CACNA1B: variants seen among roughly 807,000 people sequenced by gnomAD.
CACNA1B encodes calcium voltage-gated channel subunit alpha1 B, also known as voltage-dependent N-type calcium channel subunit alpha-1B.
Under a neutral mutation model 247.2 loss-of-function variants are expected in CACNA1B, and 70 were observed. The ratio of observed to expected loss-of-function variants is 0.28; its 90% confidence interval spans 0.23 to 0.35. CACNA1B has a LOEUF of 0.35. CACNA1B is among the 10% of genes least tolerant of loss of function. The pLI is 1.00. For synonymous variants in CACNA1B, 1,231 were observed against 1,294.4 expected, an observed-to-expected ratio of 0.95 and a Z score of 1.05; for missense variants, 2,367 against 3,197.4, an observed-to-expected ratio of 0.74 and a Z score of 6.26.
At chr9:138,081,991 A>T (rs1960536401) in intron 36 of CACNA1B, among the ~76,000 whole-genome samples, 2 of 151,142 alleles carry the variant, frequency 1.3e-5, no homozygotes, top group African/African-American at 4.9e-5. Flanking sequence ...TATACCATAT[A>T]CAAAGATTAA....
intron 15 of CACNA1B, among the ~76,000 whole-genome samples, chr9:137,998,079 C>T (rs1958520690): frequency 6.6e-6 from 1 of 151,636 alleles, no homozygotes; most frequent in Non-Finnish European, 1.5e-5. Context: ...TGATTAGCAC[C>T]AAATTCAGGA....
intron 3 of CACNA1B, among the ~76,000 whole-genome samples, chr9:137,883,923 CT>C (rs1257949605): frequency 2.7e-5 from 4 of 150,690 alleles, no homozygotes; most frequent in African/African-American, 9.8e-5. Flanking sequence ...GGTGTTTGGG[CT>C]GGTGGCAGAG....
intron 10 of CACNA1B, among the ~76,000 whole-genome samples, chr9:137,970,092 A>T (rs1229288967): frequency 2.0e-5 from 3 of 151,950 alleles, no homozygotes; most frequent in African/African-American, 7.3e-5. Flanking sequence ...ACATGCCCAC[A>T]CTGCCCCTGC....
chr9:138,034,071 C>T lies in CACNA1B; in HGVS notation c.3286+8899C>T, dbSNP rs146797335. ...TTTAGCTCCCCACTAGGCTTCCATT[C>T]ATACCGGCCTGACTGGGAGAGATAG... On this transcript the variant is annotated intron_variant, in intron 20 of 46. Transcript: ENST00000371372. Among the ~76,000 whole-genome samples the T allele has an allele frequency of 4.4e-3, 672 of 152,302 alleles. 5 individuals are homozygous for T. The highest frequency in any genetic ancestry group is 0.015 in the African/African-American group (631 of 41,554).
At chr9:137,984,058 A>G (rs1958324986) in intron 12 of CACNA1B, 80 bp from the exon 13 acceptor site, 1 of 1,045,274 alleles carries the variant, frequency 9.6e-7, no homozygotes, top group Non-Finnish European at 1.5e-6. Flanking sequence ...AGGTGCAGCC[A>G]CGCAGGGTGT....
intron 13 of CACNA1B, among the ~76,000 whole-genome samples, chr9:137,985,043 A>T (rs756160602): frequency 6.6e-6 from 1 of 152,130 alleles, no homozygotes; most frequent in Non-Finnish European, 1.5e-5. Context: ...GCCAGCATGG[A>T]CTTTGGTGTG....
At position 138,121,742 on chromosome 9, in the gene CACNA1B, G is replaced by A. The variant is rs942509474; in HGVS notation, c.6763G>A (p.Gly2255Ser). 1.2e-6 allele frequency: 2 copies of A among 1,613,384 alleles called. No individual in the cohort carries two copies. Among genetic ancestry groups the A allele is most frequent in the Non-Finnish European group, 1.7e-6 (2 of 1,179,876 alleles). Residue 2255 changes from glycine to serine, a missense_variant, in exon 47 of 47, where the codon GGC (glycine) becomes AGC (serine). This residue lies in a region of CACNA1B where 773 missense variants were observed against 779.4 expected (regional missense o/e 0.99). Transcript: ENST00000371372. This position sits in a 1 kb window ranked among gnomAD's most constrained non-coding sequence, Gnocchi z 6.8. ...GCCCCTGGCCCCTGGCTCTCGAATT[G>A]GCTCTGACCCTTACCTGGGGCAGCG... is the stretch of plus-strand genomic sequence containing the variant. Reference protein sequence around the residue: ...SQPLAPGSRIGSDPYLGQRLD... With the variant: ...SQPLAPGSRISSDPYLGQRLD...
intron 15 of CACNA1B, among the ~76,000 whole-genome samples, chr9:138,002,372 C>T (rs527568831): frequency 1.3e-5 from 2 of 151,968 alleles, no homozygotes; most frequent in East Asian, 3.9e-4. Flanking sequence ...GATTAGAAAC[C>T]TAAATGTAAA....
rs1054408867 is a variant in CACNA1B, at chr9:138,009,862, G to A, written c.2093-148G>A. The stretch of plus-strand genomic sequence containing the variant: ...TGGAGGGCCTAGTGGCTGGGCTGGA[G>A]TGTGTCTGGGGATGGGGCCTTGGGG... On this transcript the variant is annotated intron_variant, in intron 16 of 46. Transcript: ENST00000371372. The A allele has an allele frequency of 6.3e-6, 4 of 638,234 alleles. No homozygotes were observed. The Admixed American group carries it at 9.7e-5, about 15-fold the overall frequency. 39.5% of individuals were successfully genotyped at this position (638,234 alleles called of 1,614,324 possible). A position where few individuals can be genotyped will look rare whatever the true frequency, so the allele number is the denominator to read the frequency against.
At chr9:138,024,912 G>A in intron 19 of CACNA1B, 43 bp from the exon 20 acceptor site, 1 of 1,400,696 alleles carries the variant, frequency 7.1e-7, no homozygotes, top group Non-Finnish European at 9.9e-7. Flanking sequence ...GATCACAGGT[G>A]TGAGCCACTG....
At chr9:137,943,620 G>A (rs994224897) in intron 6 of CACNA1B, among the ~76,000 whole-genome samples, 9 of 152,120 alleles carry the variant, frequency 5.9e-5, no homozygotes, top group Admixed American at 3.3e-4. Flanking sequence ...TAAAGATAAA[G>A]ACAAAGAGTA....
chr9:138,033,084 C>T (rs1038833420), intron 20 of CACNA1B, among the ~76,000 whole-genome samples: 3 of 152,120 alleles, frequency 2.0e-5, no homozygotes, highest in African/African-American at 4.8e-5. Flanking sequence ...TCTACTTTCT[C>T]TCTGTTGCTC....
rs945314841 is a variant in CACNA1B at position 137,973,197 on chromosome 9, C to T, written c.1543+1605C>T. Among the ~76,000 whole-genome samples the T allele has an allele frequency of 3.3e-5, 5 of 152,302 alleles. No homozygotes were observed. The highest frequency in any genetic ancestry group is 4.1e-4 in the South Asian group (2 of 4,820). On this transcript the variant is annotated intron_variant, in intron 11 of 46. Transcript: ENST00000371372. This position sits in a 1 kb window ranked among gnomAD's most constrained non-coding sequence, Gnocchi z 4.1. ...TTGGTGAGGCCACAGGCATCCCTGA[C>T]CGTAGACCGCTACTGTGTCTTCTCT...
Position 138,118,714 on chromosome 9 carries a change from G to A in CACNA1B, c.5976G>A (p.Gly1992=). ...GCCCTGATGGGGAGCCCCAGCCTGG[G>A]CTGGAGAGCCAGGGTCGAGCGGCCT... ...RRGPDGEPQP[G]LESQGRAASM... is the part of the protein sequence containing the mutation. The change falls in exon 44 of 47, where the codon GGG becomes GGA. Residue 1992 remains glycine, a synonymous_variant. Coordinates refer to ENST00000371372, the MANE Select transcript of CACNA1B (RefSeq NM_000718.4). The A allele has an allele frequency of 1.3e-6, 2 of 1,564,800 alleles. No individual in the cohort carries two copies. Among genetic ancestry groups the A allele is most frequent in the Non-Finnish European group, 1.7e-6 (2 of 1,155,224 alleles).
In CACNA1B at chr9:138,052,270, G is replaced by C. The variant is rs1245343335; in HGVS notation, c.3807+82G>C. On this transcript the variant is annotated intron_variant, in intron 25 of 46. Coordinates refer to ENST00000371372, the MANE Select transcript of CACNA1B (RefSeq NM_000718.4). The surrounding 1 kb of genome is among the most constrained non-coding windows in gnomAD (Gnocchi z 5.1). ...TGTGCGTGTGTGTGTGTGTATGCAT[G>C]CAGTGCATGAGTGTGTGTGTGTTCA... The C allele has an allele frequency of 1.6e-5, 12 of 767,040 alleles. No homozygotes were observed. Among genetic ancestry groups the C allele is most frequent in the Non-Finnish European group, 2.7e-5 (12 of 448,154 alleles). The allele number at this position is 767,040 out of a possible 1,614,324, so 47.5% of individuals were successfully genotyped here.
rs80168058 is a variant in CACNA1B, at chr9:138,075,885, T to C, written c.4924T>C (p.Leu1642=). ...CCGCCACAACAACTTCCGGACGTTT[T>C]TGCAAGCCCTGATGCTGCTGTTCAG... ...INRHNNFRTF[L]QALMLLFRSA... Residue 1642 remains leucine, a synonymous_variant, in exon 35 of 47, where the codon TTG becomes CTG. Transcript: ENST00000371372. 630 of 1,612,100 alleles carry C rather than the reference T, an allele frequency of 3.9e-4. 6 individuals are homozygous for C. In the East Asian group the frequency reaches 0.014, roughly 36 times the overall value.
intron 6 of CACNA1B, among the ~76,000 whole-genome samples, chr9:137,951,338 GC>G (rs1957875763): frequency 6.6e-6 from 1 of 152,244 alleles, no homozygotes; most frequent in African/African-American, 2.4e-5. Flanking sequence ...AATCCGCCAG[GC>G]TGGCAGACAC....
intron 18 of CACNA1B, 46 bp from the exon 19 acceptor site, chr9:138,022,964 CG>C: frequency 1.4e-6 from 2 of 1,448,676 alleles, no homozygotes; most frequent in Non-Finnish European, 1.8e-6. Context: ...TGGAGAGCGG[CG>C]GGCGGGCGGC....
intron 15 of CACNA1B, among the ~76,000 whole-genome samples, chr9:137,989,808 G>C (rs1240921393): frequency 2.0e-5 from 3 of 152,148 alleles, no homozygotes; most frequent in Non-Finnish European, 4.4e-5. Flanking sequence ...TATACATTTA[G>C]TAAAGTGGAT....
Sources: allele counts gnomAD v4.1 joint callset (sites outside exome capture counted in the v4.1 genomes callset), GRCh38; gene constraint gnomAD v4.1.1; regional missense constraint gnomAD v4.1.1; non-coding constraint Gnocchi (gnomAD v3.1); transcripts MANE v1.5; gene names NCBI Gene and HGNC (gene_info 2026-07-23, HGNC 2026-07-21).